ZCCHC14: variants seen among roughly 807,000 people sequenced by gnomAD.
The protein encoded by ZCCHC14 is zinc finger CCHC-type containing 14, also known as zinc finger CCHC domain-containing protein 14.
ZCCHC14 carries 16 observed loss-of-function variants against 85.0 expected under a neutral mutation model. That is an observed-to-expected ratio of 0.19 (90% CI 0.13 to 0.29). The LOEUF (loss-of-function observed/expected upper bound fraction) is 0.29. Among genes scored for constraint, ZCCHC14 ranks in the 10% least tolerant of loss-of-function variants. ZCCHC14 has a pLI of 1.00. For synonymous variants in ZCCHC14, 775 were observed against 630.7 expected (o/e 1.23, Z -3.43); for missense variants, 1,303 against 1,443.5 (o/e 0.90, Z 1.58).
intron 1 of ZCCHC14, among the ~76,000 whole-genome samples, chr16:87,485,874 C>T (rs1912493623): frequency 6.6e-6 from 1 of 152,126 alleles, no homozygotes; most frequent in Non-Finnish European, 1.5e-5. Context: ...AAACTAAAGC[C>T]TAAGTAAACA....
chr16:87,435,005 A>C (rs973785982), intron 2 of ZCCHC14, among the ~76,000 whole-genome samples: 3 of 151,712 alleles, frequency 2.0e-5, no homozygotes, highest in African/African-American at 7.3e-5. Context: ...AAAAAAAAAA[A>C]AAAAAAAAAA....
intron 1 of ZCCHC14, among the ~76,000 whole-genome samples, chr16:87,486,750 C>G (rs1912530033): frequency 6.6e-6 from 1 of 152,186 alleles, no homozygotes; most frequent in African/African-American, 2.4e-5. Flanking sequence ...ACAAAAAAAG[C>G]AATGTATACA....
chr16:87,467,522 A>G, intron 1 of ZCCHC14: 3 of 1,605,260 alleles, frequency 1.9e-6, no homozygotes, highest in Non-Finnish European at 2.6e-6. Flanking sequence ...CCCTTTCTCA[A>G]CAGTAGGATC....
intron 1 of ZCCHC14, among the ~76,000 whole-genome samples, chr16:87,490,815 GCA>G (rs1375199237): frequency 6.6e-6 from 1 of 152,224 alleles, no homozygotes; most frequent in Non-Finnish European, 1.5e-5. Flanking sequence ...ACACACGTGT[GCA>G]CATATACATG....
rs901393264 is a variant in ZCCHC14 at position 87,412,567 on chromosome 16, G to C, written c.2154C>G (p.Ser718Arg). 6 of 1,613,998 alleles carry C rather than the reference G, an allele frequency of 3.7e-6. No individual in the cohort carries two copies. The highest frequency in any genetic ancestry group is 5.1e-6 in the Non-Finnish European group (6 of 1,180,038). ...PVQVLSGLSE[S>R]SSMSPTVSFG... is the part of the protein sequence containing the mutation. ...AGGAGACTGTGGGTGACATGGAGCT[G>C]CTCTCCGAAAGCCCAGAGAGGACCT... The change falls in exon 12 of 13, where the codon AGC becomes AGG. Residue 718 changes from serine (S) to arginine (R), a missense_variant. Physicochemically the swap from Ser to Arg is moderately radical, Grantham distance 110. Coordinates refer to ENST00000671377, the MANE Select transcript of ZCCHC14 (RefSeq NM_015144.3).
intron 10 of ZCCHC14, 106 bp from the exon 11 acceptor site, chr16:87,413,301 C>T (rs1234144370): frequency 2.6e-5 from 37 of 1,412,344 alleles, no homozygotes; most frequent in Non-Finnish European, 3.1e-5. Context: ...TCCAGGGAAA[C>T]GCAGGGCTCT....
At chr16:87,484,106 TG>T (rs1489470519) in intron 1 of ZCCHC14, among the ~76,000 whole-genome samples, 1 of 152,232 alleles carries the variant, frequency 6.6e-6, no homozygotes, top group Non-Finnish European at 1.5e-5. Flanking sequence ...ATGGTTTCTC[TG>T]GAAGGTTCTA....
At chr16:87,451,814 C>T (rs1029055771) in intron 2 of ZCCHC14, among the ~76,000 whole-genome samples, 6 of 152,194 alleles carry the variant, frequency 3.9e-5, no homozygotes. Flanking sequence ...GCAGCAGCTC[C>T]CTGGCTGGTG....
intron 1 of ZCCHC14, chr16:87,470,972 AC>A (rs1911747205): frequency 6.6e-6 from 1 of 152,206 alleles, no homozygotes; most frequent in Non-Finnish European, 1.5e-5. Context: ...ATACCTCCCT[AC>A]AAGATGTGAA....
In ZCCHC14 at chr16:87,412,413, C is replaced by T. The variant is rs746717551; in HGVS notation, c.2308G>A (p.Ala770Thr). Residue 770 changes from alanine (A) to threonine (T), a missense_variant, in exon 12 of 13, where the codon GCC (alanine) becomes ACC (threonine). Around this residue, in one of 7 missense-constraint regions of ZCCHC14, gnomAD observed 797 missense variants for 730.8 expected, o/e 1.09. Coordinates refer to ENST00000671377, the MANE Select transcript of ZCCHC14 (RefSeq NM_015144.3). ...TGTPSTVLHA[A>T]RPPIKLLLSS... ...AGCAGCAGTTTGATGGGCGGACGGGCGGCGTGGAGGACTGTGCTGGGCGTC... is the reference window on the plus strand; with the variant it reads ...AGCAGCAGTTTGATGGGCGGACGGGTGGCGTGGAGGACTGTGCTGGGCGTC... 22 of 1,614,024 alleles carry T rather than the reference C, an allele frequency of 1.4e-5. No individual in the cohort carries two copies. The Admixed American group carries it at 2.0e-4, about 15-fold the overall frequency.
rs986621205 is a variant in ZCCHC14, at chr16:87,492,682, C to G, written c.-444G>C. ...AGGGTCTGTCACTGCGGGCCGCCCCCCGACGGAGCCGCCCCGGCCATGCCG... is the reference window on the plus strand; with the variant it reads ...AGGGTCTGTCACTGCGGGCCGCCCCGCGACGGAGCCGCCCCGGCCATGCCG... On this transcript the variant is annotated 5_prime_UTR_variant, in exon 1 of 13. Coordinates refer to ENST00000671377, the MANE Select transcript of ZCCHC14 (RefSeq NM_015144.3). This position sits in a 1 kb window ranked among gnomAD's most constrained non-coding sequence, Gnocchi z 6.7. 6.9e-6 allele frequency: 1 copy of G among 145,786 alleles called. No homozygotes were observed. Among genetic ancestry groups the G allele is most frequent in the Admixed American group, 6.8e-5 (1 of 14,702 alleles). The allele number at this position is 145,786 out of a possible 1,614,324, so 9.0% of individuals were successfully genotyped here.
At chr16:87,426,226 G>A (rs1238836608) in intron 3 of ZCCHC14, among the ~76,000 whole-genome samples, 1 of 152,180 alleles carries the variant, frequency 6.6e-6, no homozygotes, top group East Asian at 1.9e-4. Flanking sequence ...AGAGCCAGAA[G>A]GGGAACCGGC....
In ZCCHC14 at chr16:87,417,667, G is replaced by A. The variant is rs56283442; in HGVS notation, c.1176C>T (p.Ser392=). The A allele has an allele frequency of 3.9e-5, 63 of 1,611,864 alleles. No homozygotes were observed. The highest frequency in any genetic ancestry group is 1.1e-4 in the East Asian group (5 of 44,842). ...GGGAGCAGTGAGGCAAGGGGGCGGC[G>A]GAGCCGGCCGGGTGCTGCCCGTGGT... is the stretch of plus-strand genomic sequence containing the variant. ...AQHHGQHPAG[S]AAPLPHCSHA... Residue 392 remains serine (S), a synonymous_variant, in exon 8 of 13, where the codon TCC becomes TCT. Coordinates refer to ENST00000671377, the MANE Select transcript of ZCCHC14 (RefSeq NM_015144.3).
chr16:87,417,961 C>T (rs1463976958), intron 7 of ZCCHC14: 3 of 569,422 alleles, frequency 5.3e-6, no homozygotes, highest in Admixed American at 3.1e-5. Context: ...CATGTCTGTG[C>T]ACACGTGTGC....
rs769316200 is a variant in ZCCHC14, at chr16:87,460,074, G to T, written c.628C>A (p.Leu210Met). 1 of 1,614,028 alleles carries T rather than the reference G, an allele frequency of 6.2e-7. No individual in the cohort carries two copies. The highest frequency in any genetic ancestry group is 8.5e-7 in the Non-Finnish European group (1 of 1,180,024). ...SSVSNSLENA[L>M]HTSAHSTEES... The stretch of plus-strand genomic sequence containing the variant: ...TCCGTGGAATGTGCTGATGTGTGCA[G>T]GGCATTCTCCAAACTATTACTGACA... The change falls in exon 2 of 13, where the codon CTG becomes ATG. Residue 210 changes from leucine (L) to methionine (M), a missense_variant. Physicochemically the swap from Leu to Met is conservative, Grantham distance 15 (BLOSUM62 2). Around this residue, in one of 7 missense-constraint regions of ZCCHC14, gnomAD observed 389 missense variants for 397.8 expected, o/e 0.98. Coordinates refer to ENST00000671377, the MANE Select transcript of ZCCHC14 (RefSeq NM_015144.3).
chr16:87,483,478 G>A (rs1390782824), intron 1 of ZCCHC14, among the ~76,000 whole-genome samples: 2 of 151,852 alleles, frequency 1.3e-5, no homozygotes, highest in Non-Finnish European at 2.9e-5. Flanking sequence ...GTGACAGAGT[G>A]AGACTCTGTC....
intron 1 of ZCCHC14, among the ~76,000 whole-genome samples, chr16:87,482,560 T>C (rs1912329136): frequency 6.6e-6 from 1 of 152,162 alleles, no homozygotes; most frequent in Non-Finnish European, 1.5e-5. Context: ...GATTCCTCTG[T>C]GTAGGAAACC....
At chr16:87,421,263 A>G (rs1341055840) in intron 4 of ZCCHC14, among the ~76,000 whole-genome samples, 3 of 152,138 alleles carry the variant, frequency 2.0e-5, no homozygotes, top group Non-Finnish European at 4.4e-5. Context: ...CACTCTCTGG[A>G]TCTGAGGAAA....
Position 87,420,304 on chromosome 16 carries a change from G to C in ZCCHC14, c.950+303C>G, listed in dbSNP as rs1251988170. Among the ~76,000 whole-genome samples the C allele has an allele frequency of 6.6e-6, 1 of 152,230 alleles. No individual in the cohort carries two copies. The highest frequency in any genetic ancestry group is 2.4e-5 in the African/African-American group (1 of 41,454). On this transcript the variant is annotated intron_variant, in intron 5 of 12. Transcript: ENST00000671377. This position sits in a 1 kb window ranked among gnomAD's most constrained non-coding sequence, Gnocchi z 5.0. The stretch of plus-strand genomic sequence containing the variant: ...GAGACGCCAATTTTATCTGGGAATA[G>C]TCTCAACCTTGGACTACAGGATGGA...
Sources: gnomAD v4.1 joint callset for allele counts (sites outside exome capture counted in the v4.1 genomes callset) on GRCh38, gnomAD v4.1.1 for gene constraint, gnomAD v4.1.1 regional missense constraint, Gnocchi (gnomAD v3.1) non-coding constraint, MANE v1.5 for transcripts, NCBI Gene and HGNC (gene_info 2026-07-23, HGNC 2026-07-21) for gene names.